SMAP1: variants seen among roughly 807,000 people sequenced by gnomAD.
SMAP1 encodes the protein stromal membrane-associated protein 1.
SMAP1 carries 24 observed loss-of-function variants against 58.5 expected under a neutral mutation model. That is an observed-to-expected ratio of 0.41 (90% confidence interval 0.30 to 0.58). SMAP1 has a LOEUF of 0.58. SMAP1 is among the 20% of genes least tolerant of loss of function. The pLI is 0.29. For synonymous variants in SMAP1, 216 were observed against 196.6 expected (o/e 1.10, Z -0.82); for missense variants, 563 against 566.3 (o/e 0.99, Z 0.06).
intron 6 of SMAP1, among the ~76,000 whole-genome samples, chr6:70,833,704 C>T (rs556840652): frequency 5.6e-4 from 85 of 152,268 alleles, no homozygotes; most frequent in African/African-American, 2.0e-3. Context: ...CATGTGTGTG[C>T]AAATGTGCAA....
intron 6 of SMAP1, among the ~76,000 whole-genome samples, chr6:70,805,579 G>T (rs1769088932): frequency 6.6e-6 from 1 of 152,184 alleles, no homozygotes; most frequent in African/African-American, 2.4e-5. Flanking sequence ...GAAGAGAAGA[G>T]GGGCTCTGGT....
rs1197017263 is a variant in SMAP1, at chr6:70,861,372, CAA to C, written c.*1039_*1040del. ...TGGAGAAAAAGAAAAAATATATACTCAAGAGTGGTATCTTGCAGTATCGGCAC... is the reference window on the plus strand; with the variant it reads ...TGGAGAAAAAGAAAAAATATATACTCGAGTGGTATCTTGCAGTATCGGCAC... On this transcript the variant is annotated 3_prime_UTR_variant, in exon 11 of 11. Transcript: ENST00000370455. 1.8e-5 allele frequency: 6 copies of C among 325,470 alleles called. No homozygotes were observed. The highest frequency in any genetic ancestry group is 1.1e-4 in the East Asian group (2 of 18,166). The allele number at this position is 325,470 out of a possible 1,614,324, so 20.2% of individuals were successfully genotyped here. A position where few individuals can be genotyped will look rare whatever the true frequency, so the allele number is the denominator to read the frequency against.
At chr6:70,690,106 ACTTG>A (rs1767097117) in intron 1 of SMAP1, among the ~76,000 whole-genome samples, 1 of 151,992 alleles carries the variant, frequency 6.6e-6, no homozygotes, top group Non-Finnish European at 1.5e-5. Context: ...GTGAAACTGG[ACTTG>A]CTTGTTTTGT....
intron 4 of SMAP1, among the ~76,000 whole-genome samples, chr6:70,780,471 C>G (rs1767718399): frequency 6.6e-6 from 1 of 152,052 alleles, no homozygotes; most frequent in South Asian, 2.1e-4. Flanking sequence ...GTTTCAGTTA[C>G]TCAGGAGGCT....
intron 2 of SMAP1, among the ~76,000 whole-genome samples, chr6:70,739,639 T>C (rs1234418087): frequency 6.6e-6 from 1 of 152,100 alleles, no homozygotes; most frequent in African/African-American, 2.4e-5. Context: ...TGAGTTACAG[T>C]TTATTTTTGA....
intron 1 of SMAP1, among the ~76,000 whole-genome samples, chr6:70,698,189 A>C (rs189344573): frequency 1.3e-5 from 2 of 152,244 alleles, no homozygotes; most frequent in Admixed American, 6.5e-5. Flanking sequence ...TTCTAGGATA[A>C]AAGTTTTTTC....
intron 6 of SMAP1, among the ~76,000 whole-genome samples, chr6:70,819,321 T>G (rs1769783061): frequency 8.1e-6 from 1 of 123,912 alleles, no homozygotes; most frequent in Non-Finnish European, 1.9e-5. Context: ...TTTAATGATG[T>G]AAGGGTGAAA....
chr6:70,814,932 T>C (rs891315484), intron 6 of SMAP1, among the ~76,000 whole-genome samples: 2 of 152,172 alleles, frequency 1.3e-5, no homozygotes, highest in Non-Finnish European at 2.9e-5. Context: ...CATCTAGGGA[T>C]AGTTCAGCTC....
chr6:70,776,644 C>A (rs1767558816), intron 4 of SMAP1, among the ~76,000 whole-genome samples: 1 of 152,212 alleles, frequency 6.6e-6, no homozygotes, highest in African/African-American at 2.4e-5. Context: ...TTCTCCCCAT[C>A]CTTTCCTCTC....
intron 7 of SMAP1, among the ~76,000 whole-genome samples, chr6:70,851,352 A>C (rs1481956205): frequency 6.6e-6 from 1 of 152,244 alleles, no homozygotes; most frequent in Non-Finnish European, 1.5e-5. Flanking sequence ...TGTGGTGGAA[A>C]TATGAATGAG....
Position 70,861,332 on chromosome 6 carries a change from A to G in SMAP1, c.*998A>G, listed in dbSNP as rs1156617614. 4 of 232,222 alleles carry G rather than the reference A, an allele frequency of 1.7e-5. No homozygotes were observed. Among genetic ancestry groups the G allele is most frequent in the Non-Finnish European group, 3.4e-5 (4 of 117,092 alleles). The allele number at this position is 232,222 out of a possible 1,614,324, so 14.4% of individuals were successfully genotyped here. A position where few individuals can be genotyped will look rare whatever the true frequency, so the allele number is the denominator to read the frequency against. ...TCTACCAACCTGTTCAAGTCTACCA[A>G]TTATAAGGGCAAATTGGAGAAAAAG... On this transcript the variant is annotated 3_prime_UTR_variant, in exon 11 of 11. Transcript: ENST00000370455.
At chr6:70,694,454 C>T (rs972258151) in intron 1 of SMAP1, 5 of 154,606 alleles carry the variant, frequency 3.2e-5, no homozygotes, top group African/African-American at 7.2e-5. Flanking sequence ...AAAATCTGTA[C>T]TTAACCCAGC....
intron 1 of SMAP1, among the ~76,000 whole-genome samples, chr6:70,713,303 T>C (rs1054199881): frequency 6.6e-6 from 1 of 152,202 alleles, no homozygotes; most frequent in Non-Finnish European, 1.5e-5. Flanking sequence ...TTTCTTCTGC[T>C]AACTTTGGGT....
At chr6:70,788,566 A>C (rs551717765) in intron 4 of SMAP1, among the ~76,000 whole-genome samples, 2 of 152,292 alleles carry the variant, frequency 1.3e-5, no homozygotes, top group South Asian at 2.1e-4. Context: ...TTCCCAGAGG[A>C]AGCAGTTTTA....
At chr6:70,810,843 C>CT (rs1172005413) in intron 6 of SMAP1, among the ~76,000 whole-genome samples, 3 of 152,126 alleles carry the variant, frequency 2.0e-5, no homozygotes, top group Non-Finnish European at 4.4e-5. Context: ...CCTGGCTCCC[C>CT]TTTTTTTATT....
At chr6:70,805,421 T>C (rs1769079862) in intron 6 of SMAP1, among the ~76,000 whole-genome samples, 1 of 152,232 alleles carries the variant, frequency 6.6e-6, no homozygotes, top group African/African-American at 2.4e-5. Flanking sequence ...TTCGAGGTTT[T>C]TAACTTCCTT....
chr6:70,754,863 T>C, intron 2 of SMAP1, 117 bp from the exon 3 acceptor site: 1 of 526,182 alleles, frequency 1.9e-6, no homozygotes, highest in Non-Finnish European at 3.4e-6. Flanking sequence ...CTAAGGAGAA[T>C]ATATATTGGA....
At chr6:70,684,925 AT>A (rs1209722653) in intron 1 of SMAP1, among the ~76,000 whole-genome samples, 1 of 151,962 alleles carries the variant, frequency 6.6e-6, no homozygotes. Flanking sequence ...GCTGACTCTG[AT>A]TTCTTTCTTT....
intron 1 of SMAP1, among the ~76,000 whole-genome samples, chr6:70,683,763 G>T (rs559056248): frequency 3.5e-4 from 53 of 152,290 alleles, no homozygotes; most frequent in Non-Finnish European, 5.4e-4. Context: ...ATTGTTGAAA[G>T]TTTAGAGATA....
Sources: gnomAD v4.1 joint callset for allele counts (sites outside exome capture counted in the v4.1 genomes callset) on GRCh38, gnomAD v4.1.1 for gene constraint, MANE v1.5 for transcripts, NCBI Gene and HGNC (gene_info 2026-07-23, HGNC 2026-07-21) for gene names.